The following TANGO2 variants were observed in gnomAD, a reference collection of about 807,000 sequenced individuals.
TANGO2 encodes transport and golgi organization 2 homolog.
In TANGO2, 26 loss-of-function variants were observed where a neutral mutation model predicts 39.1. The observed-to-expected ratio is 0.67, with a 90% CI of 0.49 to 0.92. The LOEUF (loss-of-function observed/expected upper bound fraction) is 0.92, where lower values mean the gene tolerates loss of function less well. Ranked by LOEUF, TANGO2 falls within the 40% of genes least tolerant of loss-of-function variation. The pLI is 0.00. For synonymous variants in TANGO2, 131 were observed against 144.5 expected (o/e 0.91, Z 0.67); for missense variants, 326 against 360.1 (o/e 0.91, Z 0.77).
chr22:20,029,256 G>A (rs538597512), intron 1 of TANGO2, among the ~76,000 whole-genome samples: 1 of 152,274 alleles, frequency 6.6e-6, no homozygotes, highest in African/African-American at 2.4e-5. Context: ...GCTGGAGAGG[G>A]GATTCTAGAG....
At chr22:20,044,566 G>A (rs2044724521) in intron 3 of TANGO2, among the ~76,000 whole-genome samples, 1 of 152,176 alleles carries the variant, frequency 6.6e-6, no homozygotes, top group African/African-American at 2.4e-5. Context: ...AAGCTCAGCT[G>A]TGGGGTTTTG....
Position 20,063,013 on chromosome 22 carries a change from C to T in TANGO2, c.606-325C>T, listed in dbSNP as rs551208424. 1.1e-4 allele frequency: 31 copies of T among 287,038 alleles called. No homozygotes were observed. In the South Asian group the frequency reaches 2.3e-3, roughly 21 times the overall value. The allele number at this position is 287,038 out of a possible 1,614,324, so 17.8% of individuals were successfully genotyped here. Reference sequence around the variant, plus strand: ...GCACGCCTGTAATCCCAGCTGACGGCTGGAGCCCCGATGCTAGCTACAATG... The same window carrying T: ...GCACGCCTGTAATCCCAGCTGACGGTTGGAGCCCCGATGCTAGCTACAATG... On this transcript the variant is annotated intron_variant, in intron 7 of 8. Transcript: ENST00000327374.
chr22:20,052,460 C>G lies in TANGO2; in HGVS notation c.146-5C>G. On this transcript the variant is annotated splice_region_variant and splice_polypyrimidine_tract_variant and intron_variant, in intron 3 of 8. Transcript: ENST00000327374. ...CAATGGTGGTAACACTGTCATCTGC[C>G]ACAGGGCTGGACATGGAGGAAGGCA... 6.3e-7 allele frequency: 1 copy of G among 1,596,904 alleles called. No homozygotes were observed. Among genetic ancestry groups the G allele is most frequent in the Non-Finnish European group, 8.5e-7 (1 of 1,171,790 alleles).
At chr22:20,053,214 T>G (rs1602248599) in intron 4 of TANGO2, 2 of 484,458 alleles carry the variant, frequency 4.1e-6, no homozygotes, top group East Asian at 8.0e-5. Context: ...GAAGACATAG[T>G]GGGGAAATTT....
intron 7 of TANGO2, chr22:20,063,102 G>A: frequency 2.1e-6 from 1 of 468,038 alleles, no homozygotes; most frequent in Non-Finnish European, 3.8e-6. Flanking sequence ...GTTGCAGTGA[G>A]CCAAGATCGT....
At chr22:20,033,021 CAG>C (rs1317820886) in intron 1 of TANGO2, 12 of 377,616 alleles carry the variant, frequency 3.2e-5, no homozygotes, top group Non-Finnish European at 4.6e-5. Context: ...AGGGAGCACA[CAG>C]GGGCCCAGGC....
chr22:20,021,230 G>A lies in TANGO2; in HGVS notation c.-56G>A, dbSNP rs1174136601. 1 of 152,484 alleles carries A rather than the reference G, an allele frequency of 6.6e-6. No homozygotes were observed. The highest frequency in any genetic ancestry group is 2.4e-5 in the African/African-American group (1 of 41,462). The allele number at this position is 152,484 out of a possible 1,614,324, so 9.4% of individuals were successfully genotyped here. A position where few individuals can be genotyped will look rare whatever the true frequency, so the allele number is the denominator to read the frequency against. ...CTCTGGGCTCTGGGTGCGCGGACCG[G>A]GCCAGGCTGCTTGAAGGTGGGTGGG... On this transcript the variant is annotated 5_prime_UTR_variant, in exon 1 of 9. Coordinates refer to ENST00000327374, the MANE Select transcript of TANGO2 (RefSeq NM_152906.7).
intron 1 of TANGO2, 38 bp from the exon 2 acceptor site, chr22:20,036,722 T>C: frequency 6.3e-7 from 1 of 1,582,510 alleles, no homozygotes; most frequent in Non-Finnish European, 8.7e-7. Flanking sequence ...CCTGAGTGTC[T>C]GCCATCCGCT....
intron 6 of TANGO2, among the ~76,000 whole-genome samples, chr22:20,059,548 A>G (rs1283174305): frequency 2.0e-5 from 3 of 152,118 alleles, no homozygotes; most frequent in Non-Finnish European, 4.4e-5. Context: ...AAAACTTGCT[A>G]TGTTCTGTGT....
chr22:20,036,866 G>A lies in TANGO2; in HGVS notation c.56+12G>A, dbSNP rs750044970. 5.0e-6 allele frequency: 8 copies of A among 1,614,050 alleles called. No homozygotes were observed. Among genetic ancestry groups the A allele is most frequent in the Middle Eastern group, 1.6e-4 (1 of 6,084 alleles). On this transcript the variant is annotated intron_variant, in intron 2 of 8. Transcript: ENST00000327374. Reference sequence around the variant, plus strand: ...AAAAACGCGTACAGGTAACCCCCTCGCTCTGCATCTGCTGCGCCCTGCAGG... The same window carrying A: ...AAAAACGCGTACAGGTAACCCCCTCACTCTGCATCTGCTGCGCCCTGCAGG...
intron 1 of TANGO2, among the ~76,000 whole-genome samples, chr22:20,022,644 T>G (rs1301325883): frequency 1.3e-5 from 2 of 152,246 alleles, no homozygotes; most frequent in Non-Finnish European, 2.9e-5. Context: ...CGTTTTGCAG[T>G]GTGTGGAATC....
chr22:20,049,935 A>G (rs2045972872), intron 3 of TANGO2, among the ~76,000 whole-genome samples: 1 of 152,128 alleles, frequency 6.6e-6, no homozygotes. Context: ...GAGGCTGGGC[A>G]CGGTGGCTCA....
chr22:20,059,040 G>C (rs1278974977), intron 6 of TANGO2, among the ~76,000 whole-genome samples: 1 of 152,188 alleles, frequency 6.6e-6, no homozygotes, highest in Non-Finnish European at 1.5e-5. Flanking sequence ...GCTGAAACTG[G>C]CTTATGGTCT....
At position 20,057,391 on chromosome 22, in the gene TANGO2, A is replaced by G. The variant is rs1323141022; in HGVS notation, c.451+1378A>G. 6.6e-6 allele frequency among the ~76,000 whole-genome samples: 1 copy of G among 152,104 alleles called. No homozygotes were observed. Among genetic ancestry groups the G allele is most frequent in the Non-Finnish European group, 1.5e-5 (1 of 67,984 alleles). On this transcript the variant is annotated intron_variant, in intron 6 of 8. Coordinates refer to ENST00000327374, the MANE Select transcript of TANGO2 (RefSeq NM_152906.7). The surrounding 1 kb of genome is among the most constrained non-coding windows in gnomAD (Gnocchi z 4.1). Reference sequence around the variant, plus strand: ...CTGGGCTAGTTGGGATCTCCAGAGGAGGCATCTGCCTGGAGGGTGGCTTCC... The same window carrying G: ...CTGGGCTAGTTGGGATCTCCAGAGGGGGCATCTGCCTGGAGGGTGGCTTCC...
At position 20,052,384 on chromosome 22, in the gene TANGO2, T is replaced by C; in HGVS notation, c.146-81T>C. ...AGCTTGAGGCAGGAGCTGGGCCGAG[T>C]ATGCGTCTCCCAGGGCTGGGAACCA... On this transcript the variant is annotated intron_variant, in intron 3 of 8. Transcript: ENST00000327374. 3.3e-6 allele frequency: 5 copies of C among 1,534,414 alleles called. No homozygotes were observed. The East Asian group carries it at 9.8e-5, about 30-fold the overall frequency.
chr22:20,048,443 T>C (rs192224629), intron 3 of TANGO2: 7 of 152,350 alleles, frequency 4.6e-5, no homozygotes, highest in Non-Finnish European at 7.3e-5. Flanking sequence ...GACTAATAAA[T>C]ACACCATTGT....
chr22:20,061,702 C>CT lies in TANGO2; in HGVS notation c.605+20dup, dbSNP rs534748557. ...AAGAGGCGTGAGTGGGCGGGTCCTG[C>CT]TGGGGTGAGCCCCAGTGTCCCGCCA... On this transcript the variant is annotated intron_variant, in intron 7 of 8. Coordinates refer to ENST00000327374, the MANE Select transcript of TANGO2 (RefSeq NM_152906.7). 2.4e-5 allele frequency: 37 copies of CT among 1,533,452 alleles called. No homozygotes were observed. The African/African-American group carries it at 4.8e-4, about 20-fold the overall frequency. 95.0% of individuals were successfully genotyped at this position (1,533,452 alleles called of 1,614,324 possible).
intron 1 of TANGO2, chr22:20,033,235 G>C (rs561167126): frequency 7.6e-6 from 4 of 528,222 alleles, no homozygotes; most frequent in South Asian, 4.2e-5. Context: ...CCGCGTCTTC[G>C]TCGAGGCCAC....
intron 7 of TANGO2, chr22:20,063,058 T>A: frequency 2.6e-6 from 1 of 381,958 alleles, no homozygotes. Flanking sequence ...AGTGGACTTC[T>A]GTCAGGAGAA....
Sources: gnomAD v4.1 joint callset for allele counts (sites outside exome capture counted in the v4.1 genomes callset) on GRCh38, gnomAD v4.1.1 for gene constraint, Gnocchi (gnomAD v3.1) non-coding constraint, MANE v1.5 for transcripts, NCBI Gene and HGNC (gene_info 2026-07-23, HGNC 2026-07-21) for gene names.